Variants in TWIST2 observed in about 807,000 individuals in gnomAD.
TWIST2 encodes twist family bHLH transcription factor 2, also known as twist-related protein 2.
TWIST2 carries 1 observed loss-of-function variant against 11.6 expected under a neutral mutation model. That is an observed-to-expected ratio of 0.09 (90% confidence interval 0.03 to 0.41). TWIST2 has a LOEUF of 0.41. TWIST2 is among the 10% of genes least tolerant of loss of function. TWIST2 has a pLI of 0.98. For synonymous variants in TWIST2, 87 were observed against 96.6 expected (o/e 0.90, Z 0.58); for missense variants, 168 against 226.4 (o/e 0.74, Z 1.66).
intron 1 of TWIST2, among the ~76,000 whole-genome samples, chr2:238,865,880 T>C (rs4073345): frequency 0.044 from 6,718 of 152,196 alleles, 189 homozygotes; most frequent in East Asian, 0.12. Flanking sequence ...CCATTCGCTG[T>C]GATGAACCCT....
intron 1 of TWIST2, among the ~76,000 whole-genome samples, chr2:238,875,019 C>A (rs1009989019): frequency 9.9e-5 from 15 of 152,268 alleles, no homozygotes; most frequent in African/African-American, 3.6e-4. Context: ...AGGAAGCTGG[C>A]TGGAGGGTTT....
chr2:238,888,977 C>G (rs189875007), intron 1 of TWIST2, among the ~76,000 whole-genome samples: 1 of 152,156 alleles, frequency 6.6e-6, no homozygotes. Context: ...TTCTTTGACA[C>G]GCAAATGGTT....
At chr2:238,855,204 T>C (rs1453901335) in intron 1 of TWIST2, among the ~76,000 whole-genome samples, 2 of 152,200 alleles carry the variant, frequency 1.3e-5, no homozygotes, top group South Asian at 2.1e-4. Flanking sequence ...CTGTTTTGTC[T>C]TGATACATAA....
intron 1 of TWIST2, among the ~76,000 whole-genome samples, chr2:238,902,951 TGAGGTGTGTGTGATGTGTGTGTGATG>T (rs1693292945): frequency 4.1e-3 from 156 of 38,334 alleles, no homozygotes; most frequent in South Asian, 0.015. Flanking sequence ...TTGTGATGTG[TGAGGTGTGTGTGATGTGTGTGTGATG>T]TGGGTGTGTG....
intron 1 of TWIST2, among the ~76,000 whole-genome samples, chr2:238,850,608 C>T (rs760918239): frequency 5.3e-5 from 8 of 152,072 alleles, no homozygotes; most frequent in Non-Finnish European, 1.2e-4. Flanking sequence ...TAAAAATAAT[C>T]GCACTCCTCA....
At position 238,852,083 on chromosome 2, in the gene TWIST2, G is replaced by T. The variant is rs557905837; in HGVS notation, c.*35+3350G>T. On this transcript the variant is annotated intron_variant, in intron 1 of 1. Transcript: ENST00000612363. Reference sequence around the variant, plus strand: ...GTTCTTGTCATCCTTGCTTCACTCTGTTCTGGGTAGACGGCACAGATGCCG... The same window carrying T: ...GTTCTTGTCATCCTTGCTTCACTCTTTTCTGGGTAGACGGCACAGATGCCG... Among the ~76,000 whole-genome samples, 13 of 152,070 alleles carry T rather than the reference G, an allele frequency of 8.5e-5. No homozygotes were observed. The South Asian group carries it at 1.5e-3, about 17-fold the overall frequency.
intron 1 of TWIST2, among the ~76,000 whole-genome samples, chr2:238,868,779 A>G (rs1692591758): frequency 6.6e-6 from 1 of 152,240 alleles, no homozygotes; most frequent in Non-Finnish European, 1.5e-5. Flanking sequence ...GCTGATCCAC[A>G]GGCATGGTAG....
chr2:238,891,036 G>A lies in TWIST2; in HGVS notation c.*36-18806G>A, dbSNP rs114863380. On this transcript the variant is annotated intron_variant, in intron 1 of 1. Transcript: ENST00000612363. ...GTTCTCGGATCCCCCGAGCTTCGGC[G>A]TGGTCCAGCTCTCAGTTCTGCAGTT... 5.9e-3 allele frequency among the ~76,000 whole-genome samples: 893 copies of A among 152,328 alleles called. 7 individuals carry two copies. Among genetic ancestry groups the A allele is most frequent in the African/African-American group, 0.02 (823 of 41,570 alleles).
intron 1 of TWIST2, among the ~76,000 whole-genome samples, chr2:238,881,720 G>A (rs576442773): frequency 3.6e-4 from 55 of 152,206 alleles, no homozygotes; most frequent in East Asian, 1.7e-3. Flanking sequence ...CCTCTTGAGC[G>A]TCTCTCACAT....
At chr2:238,877,746 T>C (rs1692832986) in intron 1 of TWIST2, among the ~76,000 whole-genome samples, 1 of 152,198 alleles carries the variant, frequency 6.6e-6, no homozygotes, top group Non-Finnish European at 1.5e-5. Context: ...TGTGAACATA[T>C]CATTTCTTTT....
intron 1 of TWIST2, among the ~76,000 whole-genome samples, chr2:238,854,811 T>C (rs1692300646): frequency 6.6e-6 from 1 of 152,216 alleles, no homozygotes; most frequent in African/African-American, 2.4e-5. Context: ...AGGCCAGTCA[T>C]GTACAATCTC....
At chr2:238,853,448 GGAGAGA>G (rs375821278) in intron 1 of TWIST2, among the ~76,000 whole-genome samples, 1,599 of 130,684 alleles carry the variant, frequency 0.012, 7 homozygotes, top group Non-Finnish European at 0.015. Context: ...AGGGAGAGAT[GGAGAGA>G]GAGAGAGAGA....
chr2:238,853,716 G>A (rs1559266597), intron 1 of TWIST2, among the ~76,000 whole-genome samples: 1 of 152,158 alleles, frequency 6.6e-6, no homozygotes, highest in Non-Finnish European at 1.5e-5. Flanking sequence ...TTGTCACTTC[G>A]AAAAGAGACT....
chr2:238,893,924 C>A (rs886389788), intron 1 of TWIST2, among the ~76,000 whole-genome samples: 1 of 152,146 alleles, frequency 6.6e-6, no homozygotes, highest in African/African-American at 2.4e-5. Context: ...CTCCAGCCCT[C>A]CCTTGACACC....
intron 1 of TWIST2, among the ~76,000 whole-genome samples, chr2:238,908,048 C>T (rs1462822748): frequency 6.6e-6 from 1 of 150,966 alleles, no homozygotes; most frequent in Admixed American, 6.6e-5. Context: ...CCCCCACATA[C>T]ACACACAAAG....
intron 1 of TWIST2, among the ~76,000 whole-genome samples, chr2:238,861,535 C>T (rs552311102): frequency 3.9e-5 from 6 of 152,210 alleles, no homozygotes; most frequent in South Asian, 2.1e-4. Context: ...CTTAGGCGCC[C>T]GGTGGGGGTA....
chr2:238,850,612 C>T (rs1692225057), intron 1 of TWIST2, among the ~76,000 whole-genome samples: 2 of 152,086 alleles, frequency 1.3e-5, no homozygotes. Flanking sequence ...AATAATCGCA[C>T]TCCTCAAAAC....
intron 1 of TWIST2, among the ~76,000 whole-genome samples, chr2:238,885,212 G>T (rs538083912): frequency 6.6e-6 from 1 of 152,034 alleles, no homozygotes; most frequent in Non-Finnish European, 1.5e-5. Flanking sequence ...CCTGATTCCC[G>T]CCCTGCCTCG....
intron 1 of TWIST2, among the ~76,000 whole-genome samples, chr2:238,908,036 C>G (rs1393779553): frequency 6.6e-6 from 1 of 151,432 alleles, no homozygotes; most frequent in Admixed American, 6.6e-5. Context: ...AAACACACCA[C>G]ACCCCCACAT....
Sources: allele counts gnomAD v4.1 joint callset (sites outside exome capture counted in the v4.1 genomes callset), GRCh38; gene constraint gnomAD v4.1.1; transcripts MANE v1.5; gene names NCBI Gene and HGNC (gene_info 2026-07-23, HGNC 2026-07-21).